The following HDAC4 variants were observed in gnomAD, a reference collection of about 807,000 sequenced individuals.
HDAC4 encodes histone deacetylase 4.
A neutral mutation model predicts 135.1 loss-of-function variants in HDAC4; 16 were observed. The ratio of observed to expected loss-of-function variants is 0.12; its 90% confidence interval spans 0.08 to 0.18. The LOEUF (loss-of-function observed/expected upper bound fraction) is 0.18, where lower values mean the gene tolerates loss of function less well. Among genes scored for constraint, HDAC4 ranks in the 10% least tolerant of loss-of-function variants. The pLI, the probability that HDAC4 is intolerant of heterozygous loss-of-function variation, is 1.00. For synonymous variants in HDAC4, 685 were observed against 653.4 expected (o/e 1.05, Z -0.74); for missense variants, 1,143 against 1,511.8 (o/e 0.76, Z 4.05).
intron 9 of HDAC4, among the ~76,000 whole-genome samples, chr2:239,135,797 G>C (rs998687057): frequency 6.6e-6 from 1 of 152,200 alleles, no homozygotes; most frequent in Non-Finnish European, 1.5e-5. Flanking sequence ...TTGCACACCG[G>C]GATGCTCTGG....
At position 239,095,139 on chromosome 2, in the gene HDAC4, T is replaced by G. The variant is rs2036897038; in HGVS notation, c.2234-83A>C. 2.1e-6 allele frequency: 3 copies of G among 1,448,004 alleles called. No homozygotes were observed. The African/African-American group carries it at 4.2e-5, about 20-fold the overall frequency. 89.7% of individuals were successfully genotyped at this position (1,448,004 alleles called of 1,614,324 possible). A position where few individuals can be genotyped will look rare whatever the true frequency, so the allele number is the denominator to read the frequency against. The stretch of plus-strand genomic sequence containing the variant: ...CAGGCCCTGGGCGCACTCCGGGGTC[T>G]TCAGTGGCACTTGGGCATTTGTGGG... On this transcript the variant is annotated intron_variant, in intron 16 of 26. Transcript: ENST00000543185.
intron 3 of HDAC4, among the ~76,000 whole-genome samples, chr2:239,194,380 G>A (rs2153055147): frequency 6.6e-6 from 1 of 152,346 alleles, no homozygotes; most frequent in South Asian, 2.1e-4. Flanking sequence ...CAACTGGACT[G>A]AGAGACAATC....
At chr2:239,090,161 C>A in intron 17 of HDAC4, 45 bp from the exon 18 acceptor site, 1 of 1,378,176 alleles carries the variant, frequency 7.3e-7, no homozygotes, top group East Asian at 2.3e-5. Context: ...CCCAGGCCAC[C>A]GTCATCACCA....
At chr2:239,283,118 A>T (rs2050916876) in intron 2 of HDAC4, among the ~76,000 whole-genome samples, 1 of 152,252 alleles carries the variant, frequency 6.6e-6, no homozygotes, top group Admixed American at 6.5e-5. Flanking sequence ...CGCATGCAGG[A>T]GCAATGCTGA....
In HDAC4 at chr2:239,307,176, A is replaced by T. The variant is rs1192611320; in HGVS notation, c.22+45502T>A. Among the ~76,000 whole-genome samples the T allele has an allele frequency of 6.6e-6, 1 of 152,038 alleles. No homozygotes were observed. The highest frequency in any genetic ancestry group is 1.5e-5 in the Non-Finnish European group (1 of 67,978). On this transcript the variant is annotated intron_variant, in intron 2 of 26. Coordinates refer to ENST00000543185, the MANE Select transcript of HDAC4 (RefSeq NM_001378414.1). The surrounding 1 kb of genome is among the most constrained non-coding windows in gnomAD (Gnocchi z 4.8). ...GAGGGGTCTGGAAACCCTGACAGGG[A>T]GGGAGAAGAGAGCCCTGGGCACAAA...
At chr2:239,351,074 A>C (rs1693121236) in intron 2 of HDAC4, among the ~76,000 whole-genome samples, 1 of 152,206 alleles carries the variant, frequency 6.6e-6, no homozygotes, top group Admixed American at 6.5e-5. Context: ...CTTACACTGG[A>C]ATTAGGAAGA....
Position 239,269,877 on chromosome 2 carries a change from C to T in HDAC4, c.23-33213G>A, listed in dbSNP as rs571477874. ...CCAGCAATGATGGGTTTGGTTCTTA[C>T]GACCCAAGGCTGGCTCGGATCTCAT... is the stretch of plus-strand genomic sequence containing the variant. On this transcript the variant is annotated intron_variant, in intron 2 of 26. Transcript: ENST00000543185. 8.5e-5 allele frequency among the ~76,000 whole-genome samples: 13 copies of T among 152,342 alleles called. No homozygotes were observed. In the South Asian group the frequency reaches 1.2e-3, roughly 15 times the overall value.
At chr2:239,086,343 G>A (rs182476726) in intron 19 of HDAC4, among the ~76,000 whole-genome samples, 4 of 141,302 alleles carry the variant, frequency 2.8e-5, no homozygotes, top group Non-Finnish European at 6.2e-5. Context: ...TATCTCGCAC[G>A]TACAGTCTCC....
intron 2 of HDAC4, among the ~76,000 whole-genome samples, chr2:239,258,412 G>A (rs531387352): frequency 6.6e-6 from 1 of 152,150 alleles, no homozygotes. Flanking sequence ...GGCCGTGGAG[G>A]GGGAGGGGGG....
chr2:239,385,406 C>T (rs1005308167), intron 1 of HDAC4, among the ~76,000 whole-genome samples: 15 of 152,358 alleles, frequency 9.8e-5, no homozygotes, highest in African/African-American at 3.6e-4. Flanking sequence ...AGGCTCCTGG[C>T]CCACGACTCT....
At position 239,050,429 on chromosome 2, in the gene HDAC4, C is replaced by T. The variant is rs2030661179; in HGVS notation, c.*2668G>A. ...AGGCCAGAAGAGCCTGCTAGCTGGGCCCTGCCACTGCTCTGTGCCATGAAT... is the reference window on the plus strand; with the variant it reads ...AGGCCAGAAGAGCCTGCTAGCTGGGTCCTGCCACTGCTCTGTGCCATGAAT... On this transcript the variant is annotated 3_prime_UTR_variant, in exon 27 of 27. Coordinates refer to ENST00000543185, the MANE Select transcript of HDAC4 (RefSeq NM_001378414.1). The T allele has an allele frequency of 6.6e-6, 1 of 152,334 alleles. No individual in the cohort carries two copies. The highest frequency in any genetic ancestry group is 1.5e-5 in the Non-Finnish European group (1 of 68,074). 9.4% of individuals were successfully genotyped at this position (152,334 alleles called of 1,614,324 possible).
At chr2:239,132,647 G>A (rs570350815) in intron 11 of HDAC4, among the ~76,000 whole-genome samples, 27 of 152,320 alleles carry the variant, frequency 1.8e-4, no homozygotes, top group Admixed American at 6.5e-4. Context: ...AGTTCAGTGC[G>A]TTTCTCAGAG....
At chr2:239,077,863 C>G (rs879702558) in intron 22 of HDAC4, among the ~76,000 whole-genome samples, 1 of 152,218 alleles carries the variant, frequency 6.6e-6, no homozygotes, top group Admixed American at 6.5e-5. Context: ...GAGCCTCAGC[C>G]TTCCCGTCTT....
At position 239,198,260 on chromosome 2, in the gene HDAC4, C is replaced by T. The variant is rs146634799; in HGVS notation, c.95-8183G>A. ...GTGTTGCCGAGTGTGAGTGGAGGCA[C>T]GAAAACCACCTGCCAACTGTGGGCA... On this transcript the variant is annotated intron_variant, in intron 3 of 26. Coordinates refer to ENST00000543185, the MANE Select transcript of HDAC4 (RefSeq NM_001378414.1). Among the ~76,000 whole-genome samples, 221 of 152,298 alleles carry T rather than the reference C, an allele frequency of 1.5e-3. 2 individuals carry two copies. The highest frequency in any genetic ancestry group is 4.9e-3 in the African/African-American group (205 of 41,548).
chr2:239,058,701 TA>T (rs748806275), intron 24 of HDAC4, among the ~76,000 whole-genome samples: 2 of 152,236 alleles, frequency 1.3e-5, no homozygotes, highest in Non-Finnish European at 2.9e-5. Context: ...CTATATTTAG[TA>T]AAGCAGCTTT....
At chr2:239,127,232 G>A (rs935451473) in intron 11 of HDAC4, among the ~76,000 whole-genome samples, 5 of 152,154 alleles carry the variant, frequency 3.3e-5, no homozygotes, top group African/African-American at 9.7e-5. Flanking sequence ...CAAAGATGGC[G>A]TAAACATTTT....
chr2:239,252,943 C>T (rs933378641), intron 2 of HDAC4, among the ~76,000 whole-genome samples: 6 of 152,260 alleles, frequency 3.9e-5, no homozygotes, highest in African/African-American at 1.2e-4. Flanking sequence ...CGCCGGCCAC[C>T]GGTTTTGCAA....
intron 3 of HDAC4, among the ~76,000 whole-genome samples, chr2:239,232,296 T>A (rs1299094959): frequency 6.6e-6 from 1 of 152,266 alleles, no homozygotes; most frequent in East Asian, 1.9e-4. Context: ...TTGGGCATAG[T>A]TGGGTTTATA....
chr2:239,096,552 C>A (rs1309710809), intron 16 of HDAC4, among the ~76,000 whole-genome samples: 1 of 94,556 alleles, frequency 1.1e-5, no homozygotes, highest in Non-Finnish European at 2.1e-5. Context: ...GATGCCCACG[C>A]CCCCCACAGA....
Sources: allele counts gnomAD v4.1 joint callset (sites outside exome capture counted in the v4.1 genomes callset), GRCh38; gene constraint gnomAD v4.1.1; non-coding constraint Gnocchi (gnomAD v3.1); transcripts MANE v1.5; gene names NCBI Gene and HGNC (gene_info 2026-07-23, HGNC 2026-07-21).